PTPRD: variants seen among roughly 807,000 people sequenced by gnomAD.
PTPRD encodes protein tyrosine phosphatase receptor type D, also known as receptor-type tyrosine-protein phosphatase delta.
Under a neutral mutation model 214.5 loss-of-function variants are expected in PTPRD, and 34 were observed. The observed-to-expected ratio is 0.16, with a 90% CI of 0.12 to 0.21. The LOEUF (loss-of-function observed/expected upper bound fraction) is 0.21. Ranked by LOEUF, PTPRD falls within the 10% of genes least tolerant of loss-of-function variation. The pLI is 1.00. For synonymous variants in PTPRD, 1,128 were observed against 845.7 expected (o/e 1.33, Z -5.79); for missense variants, 2,545 against 2,398.7 (o/e 1.06, Z -1.27).
chr9:8,331,415 A>ATTTT (rs1840859273), intron 44 of PTPRD, among the ~76,000 whole-genome samples, 167 bp downstream of exon 44: 1 of 60,916 alleles, frequency 1.6e-5, no homozygotes, highest in Non-Finnish European at 3.1e-5. Context: ...GATTATTTTC[A>ATTTT]CTTATTTTCA....
intron 9 of PTPRD, among the ~76,000 whole-genome samples, chr9:9,381,905 T>TA (rs35036506): frequency 0.031 from 4,515 of 145,880 alleles, 223 homozygotes; most frequent in African/African-American, 0.1. Flanking sequence ...ACTATTTCTG[T>TA]AAAAAAAAAA....
intron 2 of PTPRD, among the ~76,000 whole-genome samples, chr9:10,573,905 G>T (rs1210205499): frequency 1.3e-5 from 2 of 151,998 alleles, no homozygotes; most frequent in Non-Finnish European, 2.9e-5. Context: ...TAACAAAACT[G>T]CACATTCTGC....
At chr9:8,767,966 A>T (rs1224093780) in intron 11 of PTPRD, among the ~76,000 whole-genome samples, 1 of 152,232 alleles carries the variant, frequency 6.6e-6, no homozygotes, top group African/African-American at 2.4e-5. Flanking sequence ...ACTCCTTACA[A>T]ATTTTTTACA....
At chr9:8,726,584 A>AG (rs2098564105) in intron 12 of PTPRD, among the ~76,000 whole-genome samples, 2 of 21,360 alleles carry the variant, frequency 9.4e-5, no homozygotes, top group Non-Finnish European at 8.9e-5. Flanking sequence ...AAAAAAAAAA[A>AG]AAAAATATAT....
At chr9:9,981,724 A>C (rs1270281549) in intron 4 of PTPRD, among the ~76,000 whole-genome samples, 3 of 152,146 alleles carry the variant, frequency 2.0e-5, no homozygotes, top group Non-Finnish European at 4.4e-5. Context: ...GGAAAAAGAA[A>C]TAGAAGTAAT....
intron 9 of PTPRD, among the ~76,000 whole-genome samples, chr9:9,369,007 C>T (rs1468005322): frequency 2.6e-5 from 4 of 151,886 alleles, no homozygotes; most frequent in Admixed American, 6.6e-5. Flanking sequence ...TGAGAACATG[C>T]GGTGTTTGGT....
chr9:9,774,440 G>T (rs1233188228), intron 5 of PTPRD, among the ~76,000 whole-genome samples: 1 of 152,048 alleles, frequency 6.6e-6, no homozygotes, highest in Non-Finnish European at 1.5e-5. Flanking sequence ...AGGGTCCAAG[G>T]GTTCAAGCAC....
intron 3 of PTPRD, among the ~76,000 whole-genome samples, chr9:10,336,041 A>G (rs531748521): frequency 1.3e-5 from 2 of 151,870 alleles, no homozygotes; most frequent in African/African-American, 4.8e-5. Flanking sequence ...AGTTTCTTAC[A>G]AAACTAAACA....
At position 8,486,273 on chromosome 9, in the gene PTPRD, G is replaced by A. The variant is rs371396224; in HGVS notation, c.2544C>T (p.Asp848=). ...GGTAGCCCTGAAGAGGTCCAAATGT[G>A]TCCACCGGAGGGTGCCACTGAATAA... ...TALIQWHPPV[D]TFGPLQGYRL... Residue 848 remains aspartate (D), a synonymous_variant, in exon 28 of 46, where the codon GAC becomes GAT. Transcript: ENST00000381196. 1 of 1,614,084 alleles carries A rather than the reference G, an allele frequency of 6.2e-7. No homozygotes were observed. Among genetic ancestry groups the A allele is most frequent in the Non-Finnish European group, 8.5e-7 (1 of 1,180,032 alleles).
chr9:9,443,374 T>C (rs375757199), intron 8 of PTPRD, among the ~76,000 whole-genome samples: 24 of 152,318 alleles, frequency 1.6e-4, no homozygotes, highest in East Asian at 1.4e-3. Flanking sequence ...AACTACTCTT[T>C]TGTAGAGGAT....
chr9:9,694,342 C>T (rs571377158), intron 7 of PTPRD, among the ~76,000 whole-genome samples: 77 of 151,980 alleles, frequency 5.1e-4, no homozygotes, highest in Non-Finnish European at 9.6e-4. Context: ...TGGATAAGAT[C>T]TGGATGAATT....
chr9:8,765,101 C>T (rs1173598525), intron 11 of PTPRD, among the ~76,000 whole-genome samples: 1 of 152,056 alleles, frequency 6.6e-6, no homozygotes, highest in East Asian at 1.9e-4. Flanking sequence ...ATAAAACGCC[C>T]TTTGAGCAGA....
At chr9:9,243,543 A>G (rs2099971461) in intron 9 of PTPRD, among the ~76,000 whole-genome samples, 1 of 152,202 alleles carries the variant, frequency 6.6e-6, no homozygotes, top group Admixed American at 6.6e-5. Flanking sequence ...CAAAAACCAC[A>G]TGATTATCTC....
chr9:8,857,172 C>G (rs944662002), intron 11 of PTPRD, among the ~76,000 whole-genome samples: 12 of 152,092 alleles, frequency 7.9e-5, no homozygotes, highest in Admixed American at 3.9e-4. Flanking sequence ...CTCCTTCTCC[C>G]CACTAGTTCA....
intron 2 of PTPRD, among the ~76,000 whole-genome samples, chr9:10,479,780 G>T (rs532485418): frequency 2.0e-5 from 3 of 152,058 alleles, no homozygotes; most frequent in East Asian, 3.9e-4. Flanking sequence ...TTGATTACAC[G>T]ACTGTACTTC....
At chr9:9,630,499 A>G (rs182834899) in intron 7 of PTPRD, among the ~76,000 whole-genome samples, 64 of 152,322 alleles carry the variant, frequency 4.2e-4, no homozygotes, top group East Asian at 3.9e-4. Flanking sequence ...GGAGATAACA[A>G]TTGACCTTGA....
chr9:9,635,878 A>G (rs748023520), intron 7 of PTPRD, among the ~76,000 whole-genome samples: 3 of 152,158 alleles, frequency 2.0e-5, no homozygotes, highest in African/African-American at 7.2e-5. Context: ...AAGTATCACC[A>G]TCCTTCACCT....
At chr9:10,277,470 C>G (rs1248832178) in intron 3 of PTPRD, among the ~76,000 whole-genome samples, 3 of 152,178 alleles carry the variant, frequency 2.0e-5, no homozygotes, top group African/African-American at 7.2e-5. Context: ...CTTTGCTTCT[C>G]TATGTACAAG....
intron 9 of PTPRD, among the ~76,000 whole-genome samples, chr9:9,295,246 C>T (rs1029350669): frequency 6.6e-6 from 1 of 151,656 alleles, no homozygotes; most frequent in Non-Finnish European, 1.5e-5. Flanking sequence ...TGAAAACATA[C>T]ACATATTTTA....
Sources: gnomAD v4.1 joint callset for allele counts (sites outside exome capture counted in the v4.1 genomes callset) on GRCh38, gnomAD v4.1.1 for gene constraint, MANE v1.5 for transcripts, NCBI Gene and HGNC (gene_info 2026-07-23, HGNC 2026-07-21) for gene names.